The following MTMR10 variants were observed in gnomAD, a reference collection of about 807,000 sequenced individuals.
MTMR10 encodes the protein myotubularin-related protein 10.
Under a neutral mutation model 88.1 loss-of-function variants are expected in MTMR10, and 56 were observed. That is an observed-to-expected ratio of 0.64 (90% CI 0.51 to 0.79). The LOEUF (loss-of-function observed/expected upper bound fraction) is 0.79. Ranked by LOEUF, MTMR10 falls within the 30% of genes least tolerant of loss-of-function variation. The pLI, the probability that MTMR10 is intolerant of heterozygous loss-of-function variation, is 0.00. For synonymous variants in MTMR10, 380 were observed against 340.9 expected (o/e 1.11, Z -1.26); for missense variants, 883 against 924.7 (o/e 0.95, Z 0.58).
In MTMR10 at chr15:30,939,992, A is replaced by G; in HGVS notation, c.*1478T>C. ...GAGACATTATCAAATTTTAAAAGGCAAATAATTCAAAAAGAAACAGCTATT... is the reference window on the plus strand; with the variant it reads ...GAGACATTATCAAATTTTAAAAGGCGAATAATTCAAAAAGAAACAGCTATT... On this transcript the variant is annotated 3_prime_UTR_variant, in exon 16 of 16. Coordinates refer to ENST00000435680, the MANE Select transcript of MTMR10 (RefSeq NM_017762.3). 2 of 977,912 alleles carry G rather than the reference A, an allele frequency of 2.0e-6. No individual in the cohort carries two copies. Among genetic ancestry groups the G allele is most frequent in the Non-Finnish European group, 2.4e-6 (2 of 823,074 alleles). 60.6% of individuals were successfully genotyped at this position (977,912 alleles called of 1,614,324 possible).
chr15:30,959,115 T>A lies in MTMR10; in HGVS notation c.765A>T (p.Pro255=). 1 of 1,577,450 alleles carries A rather than the reference T, an allele frequency of 6.3e-7. No homozygotes were observed. The highest frequency in any genetic ancestry group is 1.1e-5 in the South Asian group (1 of 87,576). Reference sequence around the variant, plus strand: ...AAGAACTTGGCACTACAATGTATTCTGGAAGGCTGGAGGGGAAAAAAAAAA... The same window carrying A: ...AAGAACTTGGCACTACAATGTATTCAGGAAGGCTGGAGGGGAAAAAAAAAA... ...NEGYMISTCL[P]EYIVVPSSLA... Residue 255 remains proline (P), a synonymous_variant, in exon 8 of 16, where the codon CCA becomes CCT. Coordinates refer to ENST00000435680, the MANE Select transcript of MTMR10 (RefSeq NM_017762.3).
In MTMR10 at chr15:30,954,898, T is replaced by C; in HGVS notation, c.936-5A>G. 6.5e-7 allele frequency: 1 copy of C among 1,539,282 alleles called. No individual in the cohort carries two copies. The highest frequency in any genetic ancestry group is 8.8e-7 in the Non-Finnish European group (1 of 1,141,182). The stretch of plus-strand genomic sequence containing the variant: ...TTAGTTATTGCATTACAAATCCTAA[T>C]AAAGACAAAAATACTTTAGTCATTA... On this transcript the variant is annotated splice_region_variant and splice_polypyrimidine_tract_variant and intron_variant, in intron 9 of 15. Coordinates refer to ENST00000435680, the MANE Select transcript of MTMR10 (RefSeq NM_017762.3).
the MTMR10 span, chr15:30,928,718 C>T: frequency 1.9e-6 from 3 of 1,608,376 alleles, no homozygotes; most frequent in Non-Finnish European, 2.5e-6. Context: ...CTCACGCCCA[C>T]CTGGGCACCG....
intron 5 of MTMR10, among the ~76,000 whole-genome samples, chr15:30,968,998 A>G (rs2063505163): frequency 6.6e-6 from 1 of 152,164 alleles, no homozygotes; most frequent in South Asian, 2.1e-4. Flanking sequence ...AACTTATTTA[A>G]AAGATTAAAT....
chr15:30,989,118 G>A (rs761961814), intron 2 of MTMR10, among the ~76,000 whole-genome samples: 4 of 152,012 alleles, frequency 2.6e-5, no homozygotes, highest in Admixed American at 6.6e-5. Context: ...CAAAGCCTAA[G>A]AACCAGGCCT....
the MTMR10 span, chr15:30,930,484 G>C: frequency 6.5e-7 from 1 of 1,543,870 alleles, no homozygotes; most frequent in African/African-American, 1.4e-5. Flanking sequence ...GATCCCTGGA[G>C]CCTATTTCCA....
chr15:30,970,034 G>C (rs2063519174), intron 5 of MTMR10, among the ~76,000 whole-genome samples: 1 of 152,136 alleles, frequency 6.6e-6, no homozygotes, highest in Non-Finnish European at 1.5e-5. Context: ...CTTTAGTTAA[G>C]TGCTTATTTT....
intron 14 of MTMR10, chr15:30,943,943 C>T: frequency 1.0e-6 from 1 of 985,328 alleles, no homozygotes; most frequent in South Asian, 4.7e-5. Context: ...GGAAATAACT[C>T]CAGACACAAA....
intron 6 of MTMR10, among the ~76,000 whole-genome samples, chr15:30,962,655 G>A (rs1413000971): frequency 1.3e-5 from 2 of 152,132 alleles, no homozygotes; most frequent in African/African-American, 2.4e-5. Flanking sequence ...ATTAATTCCT[G>A]GTATAAGACA....
At chr15:30,934,160 T>C (rs1198111762), downstream of MTMR10, among the ~76,000 whole-genome samples, 3 of 152,222 alleles carry the variant, frequency 2.0e-5, no homozygotes, top group Admixed American at 6.5e-5. Context: ...CCTTTTATCA[T>C]TATGCAGTGA....
At chr15:30,927,109 G>A in the MTMR10 span, 8 of 916,190 alleles carry the variant, frequency 8.7e-6, no homozygotes, top group South Asian at 5.0e-5. Context: ...CTCTGAAGAC[G>A]GAGGTGGGAG....
At chr15:30,955,851 T>C (rs2063319698) in intron 9 of MTMR10, among the ~76,000 whole-genome samples, 1 of 152,104 alleles carries the variant, frequency 6.6e-6, no homozygotes, top group African/African-American at 2.4e-5. Context: ...CCACCCTTCC[T>C]CTATTCTTAG....
chr15:30,975,861 C>A (rs1435808781), intron 3 of MTMR10, among the ~76,000 whole-genome samples: 3 of 151,910 alleles, frequency 2.0e-5, no homozygotes, highest in Admixed American at 1.3e-4. Flanking sequence ...AAAGAAAGAT[C>A]TAGGGGTAAG....
intron 9 of MTMR10, among the ~76,000 whole-genome samples, chr15:30,956,533 C>G (rs34331396): frequency 0.26 from 40,133 of 152,100 alleles, 5,865 homozygotes; most frequent in Non-Finnish European, 0.33. Context: ...ATGTAAAGAT[C>G]TGGGGTGAAA....
chr15:30,975,966 C>A (rs1011097368), intron 3 of MTMR10, among the ~76,000 whole-genome samples: 1 of 151,790 alleles, frequency 6.6e-6, no homozygotes, highest in South Asian at 2.1e-4. Flanking sequence ...CTTCTAAAAA[C>A]CAAAATTACA....
chr15:30,959,036 G>T lies in MTMR10; in HGVS notation c.844C>A (p.Pro282Thr), dbSNP rs1240516192. 6.2e-7 allele frequency: 1 copy of T among 1,613,536 alleles called. No individual in the cohort carries two copies. Among genetic ancestry groups the T allele is most frequent in the Admixed American group, 1.7e-5 (1 of 59,982 alleles). Residue 282 changes from proline to threonine, a missense_variant and splice_region_variant, in exon 8 of 16, where the codon CCA (proline) becomes ACA (threonine). Pro to Thr is a conservative substitution (Grantham distance 38). Transcript: ENST00000435680. ...AAAATCCAACAGAAATCACTTACTG[G>T]CATCCTTCTCCCAACAAAAGAATGG... ...FSHSFVGRRM[P>T]LWCWSHSNGS...
intron 6 of MTMR10, among the ~76,000 whole-genome samples, chr15:30,963,670 C>CAGATAGAT (rs1324638306): frequency 2.0e-5 from 2 of 99,410 alleles, no homozygotes; most frequent in African/African-American, 5.6e-5. Context: ...GATAGACAGA[C>CAGATAGAT]AGATAGATAG....
At chr15:30,945,597 G>A (rs1009574996) in intron 14 of MTMR10, among the ~76,000 whole-genome samples, 4 of 152,222 alleles carry the variant, frequency 2.6e-5, no homozygotes, top group African/African-American at 9.6e-5. Context: ...AAGAGCTGAA[G>A]GAGGCAAACA....
At position 30,948,898 on chromosome 15, in the gene MTMR10, C is replaced by T. The variant is rs548922203; in HGVS notation, c.1208-427G>A. On this transcript the variant is annotated intron_variant, in intron 12 of 15. Transcript: ENST00000435680. ...CCAACTGAAGCTGTGGCAAACGATT[C>T]CCTCCTGTCTTTTATAGTTGTTGTC... 7.7e-5 allele frequency: 13 copies of T among 168,628 alleles called. 1 individual carries two copies. In the South Asian group the frequency reaches 2.2e-3, roughly 29 times the overall value. The allele number at this position is 168,628 out of a possible 1,614,324, so 10.4% of individuals were successfully genotyped here.
Sources: allele counts gnomAD v4.1 joint callset (sites outside exome capture counted in the v4.1 genomes callset), GRCh38; gene constraint gnomAD v4.1.1; transcripts MANE v1.5; gene names NCBI Gene and HGNC (gene_info 2026-07-23, HGNC 2026-07-21).